The following PIK3R1 variants were observed in gnomAD, a reference collection of about 807,000 sequenced individuals.
PIK3R1 encodes the protein phosphoinositide-3-kinase regulatory subunit 1.
PIK3R1 carries 29 observed loss-of-function variants against 98.0 expected under a neutral mutation model. The ratio of observed to expected loss-of-function variants is 0.30; its 90% CI spans 0.22 to 0.40. The LOEUF (loss-of-function observed/expected upper bound fraction) is 0.40, where lower values mean the gene tolerates loss of function less well. Ranked by LOEUF, PIK3R1 falls within the 10% of genes least tolerant of loss-of-function variation. The pLI is 1.00. For missense variants in PIK3R1, 596 were observed against 872.7 expected, an observed-to-expected ratio of 0.68 and a Z score of 3.99; for synonymous variants, 282 against 311.8, an observed-to-expected ratio of 0.90 and a Z score of 1.01.
chr5:68,221,365 TGAG>T (rs1347764293), intron 1 of PIK3R1, among the ~76,000 whole-genome samples: 3 of 152,140 alleles, frequency 2.0e-5, no homozygotes, highest in African/African-American at 7.2e-5. Flanking sequence ...TGAATTTAGG[TGAG>T]GAGCTTGACC....
intron 10 of PIK3R1, 100 bp from the exon 11 acceptor site, chr5:68,293,609 A>G: frequency 1.7e-6 from 2 of 1,156,512 alleles, no homozygotes; most frequent in South Asian, 1.5e-5. Flanking sequence ...TCGTAATTAC[A>G]TAATTGCAAT....
chr5:68,242,754 C>T (rs1744916834), intron 2 of PIK3R1, among the ~76,000 whole-genome samples: 1 of 152,204 alleles, frequency 6.6e-6, no homozygotes, highest in Non-Finnish European at 1.5e-5. Flanking sequence ...CTAGAGGCCT[C>T]CTTCTTGAGC....
At position 68,298,816 on chromosome 5, in the gene PIK3R1, C is replaced by T. The variant is rs940767752; in HGVS notation, c.*1215C>T. The T allele has an allele frequency of 4.9e-5, 11 of 223,276 alleles. No individual in the cohort carries two copies. Among genetic ancestry groups the T allele is most frequent in the South Asian group, 1.9e-4 (1 of 5,388 alleles). The allele number at this position is 223,276 out of a possible 1,614,324, so 13.8% of individuals were successfully genotyped here. A position where few individuals can be genotyped will look rare whatever the true frequency, so the allele number is the denominator to read the frequency against. ...ATGTTGTTTTAAGACTCTTAAAATA[C>T]GGTACCTGGCAATGTTTATTTCATA... is the stretch of plus-strand genomic sequence containing the variant. On this transcript the variant is annotated 3_prime_UTR_variant, in exon 16 of 16. Transcript: ENST00000521381.
intron 2 of PIK3R1, among the ~76,000 whole-genome samples, chr5:68,268,202 A>G (rs1746201434): frequency 6.6e-6 from 1 of 152,194 alleles, no homozygotes; most frequent in Admixed American, 6.5e-5. Flanking sequence ...GTAAGTGGCA[A>G]AGCAAGGATT....
intron 2 of PIK3R1, among the ~76,000 whole-genome samples, chr5:68,228,117 G>A (rs1434641448): frequency 2.6e-5 from 4 of 152,154 alleles, no homozygotes; most frequent in African/African-American, 9.7e-5. Flanking sequence ...TTTAAGATGG[G>A]TGGGCCTAAC....
At position 68,300,903 on chromosome 5, in the gene PIK3R1, C is replaced by A. The variant is rs1020315494; in HGVS notation, c.*3302C>A. 3 of 233,178 alleles carry A rather than the reference C, an allele frequency of 1.3e-5. No homozygotes were observed. The highest frequency in any genetic ancestry group is 2.5e-5 in the Non-Finnish European group (3 of 117,980). 14.4% of individuals were successfully genotyped at this position (233,178 alleles called of 1,614,324 possible). On this transcript the variant is annotated 3_prime_UTR_variant, in exon 16 of 16. Coordinates refer to ENST00000521381, the MANE Select transcript of PIK3R1 (RefSeq NM_181523.3). ...GGAGCTGGTCTGATGACTTGCTTAG[C>A]TTGGAAATCCTTGTTTTCAGTGTGT...
At chr5:68,228,931 C>T (rs1238659014) in intron 2 of PIK3R1, among the ~76,000 whole-genome samples, 1 of 152,096 alleles carries the variant, frequency 6.6e-6, no homozygotes, top group Non-Finnish European at 1.5e-5. Flanking sequence ...TTTTATAATG[C>T]TTGCTTTCTC....
Position 68,280,924 on chromosome 5 carries a change from C to T in PIK3R1, c.837-3C>T. The T allele has an allele frequency of 1.9e-6, 3 of 1,560,412 alleles. No homozygotes were observed. The highest frequency in any genetic ancestry group is 1.4e-5 in the African/African-American group (1 of 72,820). On this transcript the variant is annotated splice_polypyrimidine_tract_variant and splice_region_variant and intron_variant, in intron 6 of 15. Transcript: ENST00000521381. ...GGTTTCTAATAAACTCTCTTTCTTA[C>T]AGCTCTGATAATACTGAAAACCTCA...
At position 68,297,797 on chromosome 5, in the gene PIK3R1, G is replaced by T; in HGVS notation, c.*196G>T. Reference sequence around the variant, plus strand: ...GCCTAAGGCTGTATGATGACCACACGTTCCTAAGCTGGAGTGCTTATCCCT... The same window carrying T: ...GCCTAAGGCTGTATGATGACCACACTTTCCTAAGCTGGAGTGCTTATCCCT... On this transcript the variant is annotated 3_prime_UTR_variant, in exon 16 of 16. Coordinates refer to ENST00000521381, the MANE Select transcript of PIK3R1 (RefSeq NM_181523.3). The T allele has an allele frequency of 2.2e-6, 1 of 463,224 alleles. No individual in the cohort carries two copies. Among genetic ancestry groups the T allele is most frequent in the Non-Finnish European group, 3.8e-6 (1 of 263,172 alleles). The allele number at this position is 463,224 out of a possible 1,614,324, so 28.7% of individuals were successfully genotyped here. A position where few individuals can be genotyped will look rare whatever the true frequency, so the allele number is the denominator to read the frequency against.
At chr5:68,229,892 G>A (rs1744408042) in intron 2 of PIK3R1, among the ~76,000 whole-genome samples, 1 of 152,216 alleles carries the variant, frequency 6.6e-6, no homozygotes. Flanking sequence ...CAGTTTTTAG[G>A]AAGCCCTGGC....
chr5:68,273,886 C>A, intron 3 of PIK3R1, 53 bp from the exon 4 acceptor site: 1 of 1,364,516 alleles, frequency 7.3e-7, no homozygotes, highest in Non-Finnish European at 1.0e-6. Flanking sequence ...CTCACAGGTT[C>A]TCCAGAGAGC....
intron 2 of PIK3R1, among the ~76,000 whole-genome samples, chr5:68,251,892 G>A (rs923261753): frequency 3.3e-5 from 5 of 152,122 alleles, no homozygotes. Context: ...TGGGGGTGGT[G>A]GAGCCTTGGC....
intron 2 of PIK3R1, among the ~76,000 whole-genome samples, chr5:68,235,568 A>G (rs1488656241): frequency 6.6e-6 from 1 of 152,166 alleles, no homozygotes; most frequent in Non-Finnish European, 1.5e-5. Context: ...CATAATTTCA[A>G]AGCATTTTAC....
chr5:68,251,567 G>A (rs924209649), intron 2 of PIK3R1, among the ~76,000 whole-genome samples: 1 of 152,008 alleles, frequency 6.6e-6, no homozygotes, highest in Non-Finnish European at 1.5e-5. Context: ...AAGTCAGTCT[G>A]TAGGTGGTGG....
intron 7 of PIK3R1, chr5:68,290,639 T>A: frequency 6.7e-7 from 1 of 1,486,274 alleles, no homozygotes; most frequent in Non-Finnish European, 8.9e-7. Flanking sequence ...CAGCCCCTTA[T>A]AGGTTTTAAA....
At chr5:68,246,254 T>C (rs251404) in intron 2 of PIK3R1, among the ~76,000 whole-genome samples, 131,608 of 151,622 alleles carry the variant, frequency 0.87, 57,549 homozygotes, top group African/African-American at 0.97. Context: ...ATGTCAAAAC[T>C]ATGCCTAGCC....
chr5:68,237,558 A>G (rs1252404641), intron 2 of PIK3R1, among the ~76,000 whole-genome samples: 1 of 151,520 alleles, frequency 6.6e-6, no homozygotes, highest in Non-Finnish European at 1.5e-5. Flanking sequence ...TCGAATGCGA[A>G]GTTGAGAAAT....
intron 4 of PIK3R1, among the ~76,000 whole-genome samples, chr5:68,277,447 A>G (rs776981894): frequency 4.6e-5 from 7 of 152,206 alleles, no homozygotes; most frequent in Non-Finnish European, 7.3e-5. Flanking sequence ...TTTAAATTTA[A>G]TAATTCTTTT....
At position 68,262,625 on chromosome 5, in the gene PIK3R1, GCATGTATACA is replaced by G. The variant is rs1201854640; in HGVS notation, c.335-10747_335-10738del. ...TATACACATGTATACACATGTAGAT[GCATGTATACA>G]CATGTATACACATGTATCTGCATGT... On this transcript the variant is annotated intron_variant, in intron 2 of 15. Coordinates refer to ENST00000521381, the MANE Select transcript of PIK3R1 (RefSeq NM_181523.3). Among the ~76,000 whole-genome samples, 221 of 137,178 alleles carry G rather than the reference GCATGTATACA, an allele frequency of 1.6e-3. 5 individuals are homozygous for G. The highest frequency in any genetic ancestry group is 5.0e-3 in the African/African-American group (168 of 33,816). 90.0% of individuals were successfully genotyped at this position (137,178 alleles called of 152,430 possible). A position where few individuals can be genotyped will look rare whatever the true frequency, so the allele number is the denominator to read the frequency against.
Sources: allele counts gnomAD v4.1 joint callset (sites outside exome capture counted in the v4.1 genomes callset), GRCh38; gene constraint gnomAD v4.1.1; transcripts MANE v1.5; gene names NCBI Gene and HGNC (gene_info 2026-07-23, HGNC 2026-07-21).